The following PLAC1 variants were observed in gnomAD, a reference collection of about 807,000 sequenced individuals.
The protein encoded by PLAC1 is placenta associated 1, also known as placenta-specific protein 1.
For missense variants in PLAC1, 136 were observed against 163.2 expected, an observed-to-expected ratio of 0.83 and a Z score of 0.91; for synonymous variants, 68 against 62.1, an observed-to-expected ratio of 1.09 and a Z score of -0.44.
At chrX:134,723,965 C>T (rs1032164536) in intron 2 of PLAC1, among the ~76,000 whole-genome samples, 3 of 100,877 alleles carry the variant, frequency 3.0e-5, no homozygotes, top group African/African-American at 1.1e-4. Context: ...TCTCAAAAAA[C>T]GTGTAACCTC....
chrX:134,613,432 A>G (rs777720475), intron 1 of PLAC1, among the ~76,000 whole-genome samples: 15 of 110,512 alleles, frequency 1.4e-4, no homozygotes, highest in Non-Finnish European at 2.8e-4. Flanking sequence ...CCACACCCCA[A>G]AGCCTCCCTA....
chrX:134,759,856 C>T (rs1279911029), intron 1 of PLAC1, among the ~76,000 whole-genome samples: 1 of 111,292 alleles, frequency 9.0e-6, no homozygotes, highest in Non-Finnish European at 1.9e-5. Flanking sequence ...TATGTGGGAG[C>T]TAAAAAACTT....
intron 2 of PLAC1, chrX:134,601,582 A>G (rs2078089679): frequency 8.9e-6 from 1 of 112,234 alleles, no homozygotes; most frequent in South Asian, 3.7e-4. Context: ...CACCTACTAT[A>G]TGTAGTGTAC....
At chrX:134,723,004 G>T (rs1009124599) in intron 2 of PLAC1, among the ~76,000 whole-genome samples, 2 of 108,956 alleles carry the variant, frequency 1.8e-5, no homozygotes, top group African/African-American at 6.7e-5. Flanking sequence ...ACGTGATTCT[G>T]AATACTGTCT....
rs185132015 is a variant in PLAC1, at chrX:134,742,362, C to T, written n.90-8843G>A. On this transcript the variant is annotated intron_variant and non_coding_transcript_variant, in intron 1 of 2. Coordinates refer to the PLAC1 transcript ENST00000466797. ...CAGCACTTTGGGAGGCTGAGGTGGG[C>T]GGATCACCTGAGGTCAGGTGTTCGA... 2.3e-3 allele frequency among the ~76,000 whole-genome samples: 254 copies of T among 112,041 alleles called. 1 individual carries two copies. Among genetic ancestry groups the T allele is most frequent in the Non-Finnish European group, 4.1e-3 (218 of 53,067 alleles).
intron 2 of PLAC1, among the ~76,000 whole-genome samples, chrX:134,574,363 C>T (rs1331087500): frequency 8.9e-6 from 1 of 112,366 alleles, no homozygotes; most frequent in African/African-American, 3.2e-5. Flanking sequence ...TGCCCCTGTG[C>T]CTCCTTGTCC....
intron 1 of PLAC1, among the ~76,000 whole-genome samples, chrX:134,751,636 C>T (rs995520217): frequency 7.2e-5 from 8 of 111,675 alleles, no homozygotes; most frequent in Non-Finnish European, 1.3e-4. Context: ...TCTCTTGTCT[C>T]TGGCACACTA....
chrX:134,699,292 T>C (rs1231349651), intron 2 of PLAC1, among the ~76,000 whole-genome samples: 1 of 111,418 alleles, frequency 9.0e-6, no homozygotes, highest in Non-Finnish European at 1.9e-5. Context: ...AAGGGCTCGA[T>C]AGAGGGAGTT....
chrX:134,676,818 C>G (rs1449697617), intron 2 of PLAC1, among the ~76,000 whole-genome samples: 1 of 111,629 alleles, frequency 9.0e-6, no homozygotes, highest in African/African-American at 3.3e-5. Context: ...TGTGCAGAGT[C>G]AGCACAGAGT....
chrX:134,573,054 C>T (rs1043828747), intron 2 of PLAC1, among the ~76,000 whole-genome samples: 4 of 111,112 alleles, frequency 3.6e-5, no homozygotes, highest in Non-Finnish European at 5.7e-5. Context: ...GTGAGTAGTC[C>T]AATGTGAAAT....
At chrX:134,674,136 C>T (rs779244781) in intron 2 of PLAC1, among the ~76,000 whole-genome samples, 48 of 112,594 alleles carry the variant, frequency 4.3e-4, no homozygotes, top group African/African-American at 1.5e-3. Flanking sequence ...GGATATGGCC[C>T]TTTTATGACA....
intron 1 of PLAC1, among the ~76,000 whole-genome samples, chrX:134,637,449 A>G (rs2078288588): frequency 8.9e-6 from 1 of 111,945 alleles, no homozygotes; most frequent in Non-Finnish European, 1.9e-5. Flanking sequence ...CAGTTTGTGG[A>G]CACACCACTA....
chrX:134,741,486 G>A (rs2078716748), intron 1 of PLAC1, among the ~76,000 whole-genome samples: 1 of 111,285 alleles, frequency 9.0e-6, no homozygotes, highest in Admixed American at 9.6e-5. Context: ...TTTGGATAAG[G>A]AATAGACATA....
intron 1 of PLAC1, among the ~76,000 whole-genome samples, chrX:134,609,463 T>A (rs910024530): frequency 2.7e-5 from 3 of 112,183 alleles, no homozygotes; most frequent in Non-Finnish European, 3.8e-5. Context: ...CGGATTTTTC[T>A]TAAAGAATGA....
chrX:134,717,651 C>T (rs2078647165), intron 2 of PLAC1, among the ~76,000 whole-genome samples: 1 of 111,995 alleles, frequency 8.9e-6, no homozygotes, highest in Non-Finnish European at 1.9e-5. Flanking sequence ...GGCCTGTCTC[C>T]TAAAATTCTA....
chrX:134,625,663 C>T (rs752349264), intron 1 of PLAC1, among the ~76,000 whole-genome samples: 3 of 111,737 alleles, frequency 2.7e-5, no homozygotes, highest in Admixed American at 1.9e-4. Context: ...AGGGAAAGAA[C>T]GGAAGTTGTT....
At chrX:134,569,785 TGTTTG>T (rs2077896881) in intron 2 of PLAC1, among the ~76,000 whole-genome samples, 1 of 99,354 alleles carries the variant, frequency 1.0e-5, no homozygotes, top group African/African-American at 4.2e-5. Flanking sequence ...TGTGTGTGTG[TGTTTG>T]TGTGTGTGTG....
intron 2 of PLAC1, among the ~76,000 whole-genome samples, chrX:134,579,218 G>T (rs2077961047): frequency 9.1e-6 from 1 of 110,405 alleles, no homozygotes; most frequent in Non-Finnish European, 1.9e-5. Flanking sequence ...TCCTGTAAGG[G>T]CCCCAAAGAC....
intron 2 of PLAC1, among the ~76,000 whole-genome samples, chrX:134,681,608 T>TGATGAG: frequency 9.0e-6 from 1 of 111,326 alleles, no homozygotes; most frequent in East Asian, 2.8e-4. Context: ...GAAATGGTAA[T>TGATGAG]GATGAGGATG....
Sources: allele counts gnomAD v4.1 joint callset (sites outside exome capture counted in the v4.1 genomes callset), GRCh38; gene constraint gnomAD v4.1.1; transcripts MANE v1.5; gene names NCBI Gene and HGNC (gene_info 2026-07-23, HGNC 2026-07-21).